The following CCDC148 variants were observed in gnomAD, a reference collection of about 807,000 sequenced individuals.
CCDC148 encodes coiled-coil domain containing 148, also known as coiled-coil domain-containing protein 148.
A neutral mutation model predicts 85.7 loss-of-function variants in CCDC148; 89 were observed. The observed-to-expected ratio is 1.04, with a 90% CI of 0.87 to 1.24. The LOEUF (loss-of-function observed/expected upper bound fraction) is 1.24. CCDC148 is among the 50% of genes most tolerant of loss of function. CCDC148 has a pLI of 0.00. For missense variants in CCDC148, 692 were observed against 671.7 expected (o/e 1.03, Z -0.33); for synonymous variants, 230 against 213.9 (o/e 1.08, Z -0.66).
intron 7 of CCDC148, among the ~76,000 whole-genome samples, chr2:158,331,559 T>C (rs901406372): frequency 2.6e-5 from 4 of 151,836 alleles, no homozygotes; most frequent in African/African-American, 7.3e-5. Flanking sequence ...TCCTGGGTAT[T>C]CTTGTTGACT....
chr2:158,265,035 G>A (rs1040318025), intron 9 of CCDC148, among the ~76,000 whole-genome samples: 5 of 152,022 alleles, frequency 3.3e-5, no homozygotes, highest in Non-Finnish European at 7.4e-5. Flanking sequence ...GTTTCTTAAA[G>A]GAATAGCTAT....
At chr2:158,337,001 T>C (rs983822376) in intron 7 of CCDC148, among the ~76,000 whole-genome samples, 6 of 152,330 alleles carry the variant, frequency 3.9e-5, no homozygotes, top group African/African-American at 1.2e-4. Flanking sequence ...ATGTGATATA[T>C]ATTCATCTAA....
intron 11 of CCDC148, among the ~76,000 whole-genome samples, chr2:158,189,420 G>T (rs1685313702): frequency 6.6e-6 from 1 of 151,854 alleles, no homozygotes. Context: ...GTTCCAAAGG[G>T]TAATCAGTTC....
In CCDC148 at chr2:158,311,220, G is replaced by A. The variant is rs144917940; in HGVS notation, c.904-1581C>T. The stretch of plus-strand genomic sequence containing the variant: ...TGAGCCAAACTCCGTCTGCAATCCC[G>A]GCACCTCGGGAGGCCGAGGTGGGCA... On this transcript the variant is annotated intron_variant, in intron 8 of 13. Transcript: ENST00000283233. 1.7e-3 allele frequency among the ~76,000 whole-genome samples: 258 copies of A among 152,314 alleles called. 5 individuals carry two copies. In the East Asian group the frequency reaches 0.042, roughly 25 times the overall value.
chr2:158,215,668 A>G (rs566131370), intron 11 of CCDC148, among the ~76,000 whole-genome samples: 1 of 152,268 alleles, frequency 6.6e-6, no homozygotes, highest in South Asian at 2.1e-4. Flanking sequence ...CAAAGGACTT[A>G]TATGCCAGCA....
At chr2:158,352,557 C>G (rs1328871617) in intron 2 of CCDC148, among the ~76,000 whole-genome samples, 1 of 151,942 alleles carries the variant, frequency 6.6e-6, no homozygotes, top group Non-Finnish European at 1.5e-5. Flanking sequence ...GCAAAGCCTC[C>G]AAGAAATATG....
intron 9 of CCDC148, among the ~76,000 whole-genome samples, chr2:158,273,444 A>G (rs575139741): frequency 1.1e-4 from 16 of 152,212 alleles, no homozygotes; most frequent in African/African-American, 3.9e-4. Context: ...CCCCCAAAGT[A>G]CTTCTGGGGT....
rs1319421779 is a variant in CCDC148, at chr2:158,178,280, C to T, written c.1488+599G>A. Among the ~76,000 whole-genome samples, 3 of 151,982 alleles carry T rather than the reference C, an allele frequency of 2.0e-5. No homozygotes were observed. In the South Asian group the frequency reaches 6.2e-4, roughly 32 times the overall value. On this transcript the variant is annotated intron_variant, in intron 12 of 13. Transcript: ENST00000283233. Reference sequence around the variant, plus strand: ...TTTAGAGATTTTGAGTTGAAACAACCCCTTCAAGTTCAAAACTCTGAAAAA... The same window carrying T: ...TTTAGAGATTTTGAGTTGAAACAACTCCTTCAAGTTCAAAACTCTGAAAAA...
At chr2:158,301,012 T>C (rs978359485) in intron 9 of CCDC148, among the ~76,000 whole-genome samples, 1 of 152,070 alleles carries the variant, frequency 6.6e-6, no homozygotes. Flanking sequence ...GCACCACTAC[T>C]CCTGGCTGTT....
chr2:158,338,952 T>C (rs762363909), intron 6 of CCDC148, 38 bp downstream of exon 6: 48 of 1,599,862 alleles, frequency 3.0e-5, no homozygotes, highest in Middle Eastern at 1.7e-4. Flanking sequence ...AAACGACAAA[T>C]TGATAAACAC....
chr2:158,347,500 A>G (rs1353906887), intron 2 of CCDC148, among the ~76,000 whole-genome samples: 1 of 152,158 alleles, frequency 6.6e-6, no homozygotes, highest in African/African-American at 2.4e-5. Context: ...TCTATCTTTA[A>G]CAACAGAGAG....
intron 10 of CCDC148, among the ~76,000 whole-genome samples, chr2:158,244,654 C>A (rs566031124): frequency 6.6e-6 from 1 of 152,078 alleles, no homozygotes; most frequent in African/African-American, 2.4e-5. Flanking sequence ...CCCCAGTCTG[C>A]TATCACTCTG....
At chr2:158,359,652 C>T (rs1683840073) in intron 1 of CCDC148, among the ~76,000 whole-genome samples, 1 of 152,176 alleles carries the variant, frequency 6.6e-6, no homozygotes, top group Admixed American at 6.5e-5. Context: ...CACCCCAGCC[C>T]AAATACTACA....
intron 10 of CCDC148, among the ~76,000 whole-genome samples, chr2:158,234,901 G>C (rs1219970086): frequency 6.6e-6 from 1 of 152,038 alleles, no homozygotes; most frequent in Non-Finnish European, 1.5e-5. Context: ...ATTGTATTTT[G>C]TATGCTTGCT....
intron 11 of CCDC148, 29 bp from the exon 12 acceptor site, chr2:158,179,025 G>A: frequency 6.6e-7 from 1 of 1,521,280 alleles, no homozygotes. Flanking sequence ...AGGAAGTTGT[G>A]GAAGCATCAT....
At chr2:158,448,501 C>A (rs569837210) in intron 1 of CCDC148, among the ~76,000 whole-genome samples, 1 of 152,110 alleles carries the variant, frequency 6.6e-6, no homozygotes, top group South Asian at 2.1e-4. Flanking sequence ...GTGTGAGCCA[C>A]CATGCCTAAT....
chr2:158,332,105 T>A (rs963567147), intron 7 of CCDC148, among the ~76,000 whole-genome samples: 1 of 152,116 alleles, frequency 6.6e-6, no homozygotes, highest in South Asian at 2.1e-4. Context: ...CTAGCCTTGA[T>A]GGTCTTTACA....
intron 1 of CCDC148, among the ~76,000 whole-genome samples, chr2:158,393,496 C>A (rs1233262680): frequency 1.3e-5 from 2 of 152,054 alleles, no homozygotes; most frequent in Non-Finnish European, 2.9e-5. Context: ...TTAGAAAACA[C>A]AGATATTTGA....
At chr2:158,350,571 T>C (rs1167046754) in intron 2 of CCDC148, among the ~76,000 whole-genome samples, 5 of 152,152 alleles carry the variant, frequency 3.3e-5, no homozygotes, top group Non-Finnish European at 7.4e-5. Context: ...ATTTTTCCTA[T>C]GAGAGTAGAG....
Sources: gnomAD v4.1 joint callset for allele counts (sites outside exome capture counted in the v4.1 genomes callset) on GRCh38, gnomAD v4.1.1 for gene constraint, MANE v1.5 for transcripts, NCBI Gene and HGNC (gene_info 2026-07-23, HGNC 2026-07-21) for gene names.